RCAN2: variants seen among roughly 807,000 people sequenced by gnomAD.
The protein encoded by RCAN2 is regulator of calcineurin 2, also known as calcipressin-2.
In RCAN2, 9 loss-of-function variants were observed where a neutral mutation model predicts 23.6. The ratio of observed to expected loss-of-function variants is 0.38; its 90% confidence interval spans 0.23 to 0.67. RCAN2 has a LOEUF of 0.67. Ranked by LOEUF, RCAN2 falls within the 30% of genes least tolerant of loss-of-function variation. The pLI is 0.51. For synonymous variants in RCAN2, 109 were observed against 115.7 expected, an observed-to-expected ratio of 0.94 and a Z score of 0.37; for missense variants, 273 against 302.3, an observed-to-expected ratio of 0.90 and a Z score of 0.72.
At chr6:46,391,283 T>C (rs1258756338) in intron 2 of RCAN2, among the ~76,000 whole-genome samples, 4 of 152,200 alleles carry the variant, frequency 2.6e-5, no homozygotes, top group Non-Finnish European at 5.9e-5. Context: ...ACCATCATTC[T>C]CAGCAAACTA....
At chr6:46,440,932 A>G (rs1222799820) in intron 2 of RCAN2, among the ~76,000 whole-genome samples, 11 of 152,216 alleles carry the variant, frequency 7.2e-5, no homozygotes, top group African/African-American at 2.4e-4. Flanking sequence ...ACTCAAGGCT[A>G]TGATATAAAA....
chr6:46,279,681 A>C (rs1358748091), intron 2 of RCAN2, among the ~76,000 whole-genome samples: 1 of 152,198 alleles, frequency 6.6e-6, no homozygotes, highest in African/African-American at 2.4e-5. Context: ...GGCTATAAAC[A>C]TTGGCTTGGT....
intron 2 of RCAN2, among the ~76,000 whole-genome samples, chr6:46,425,992 G>T (rs142545658): frequency 6.7e-6 from 1 of 149,150 alleles, no homozygotes. Context: ...TCTGTCTCCC[G>T]GGTTCAAGCG....
At chr6:46,283,639 A>G (rs550748860) in intron 2 of RCAN2, among the ~76,000 whole-genome samples, 73 of 152,306 alleles carry the variant, frequency 4.8e-4, no homozygotes, top group African/African-American at 1.6e-3. Flanking sequence ...TTTGTCCTCA[A>G]TATTCAGGAC....
Position 46,285,234 on chromosome 6 carries a change from G to A in RCAN2, c.226-36338C>T, listed in dbSNP as rs75738590. ...ACCATTGCACCATTAATGATAACAT[G>A]TGATGCTTAATCAAATGGATGTTTA... is the stretch of plus-strand genomic sequence containing the variant. On this transcript the variant is annotated intron_variant, in intron 2 of 4. Coordinates refer to ENST00000371374, the MANE Select transcript of RCAN2 (RefSeq NM_001251974.2). Among the ~76,000 whole-genome samples, 362 of 152,312 alleles carry A rather than the reference G, an allele frequency of 2.4e-3. 4 individuals are homozygous for A. The highest frequency in any genetic ancestry group is 8.3e-3 in the African/African-American group (346 of 41,574).
chr6:46,275,874 G>A (rs1767679493), intron 2 of RCAN2, among the ~76,000 whole-genome samples: 1 of 152,160 alleles, frequency 6.6e-6, no homozygotes, highest in Non-Finnish European at 1.5e-5. Context: ...TCCACTATGA[G>A]GTCATCACCA....
chr6:46,346,118 A>T (rs746815447), intron 2 of RCAN2, among the ~76,000 whole-genome samples: 1 of 152,170 alleles, frequency 6.6e-6, no homozygotes, highest in African/African-American at 2.4e-5. Context: ...ATAAAAATAT[A>T]TTCCTCTGAA....
At chr6:46,389,998 T>C (rs66757379) in intron 2 of RCAN2, among the ~76,000 whole-genome samples, 75,140 of 148,602 alleles carry the variant, frequency 0.51, 19,436 homozygotes, top group East Asian at 0.61. Flanking sequence ...AAAATGAACA[T>C]ATAGCATTAT....
intron 2 of RCAN2, among the ~76,000 whole-genome samples, chr6:46,332,299 CT>C (rs563786303): frequency 2.0e-5 from 3 of 152,048 alleles, no homozygotes; most frequent in South Asian, 2.1e-4. Flanking sequence ...TTTAAAAATT[CT>C]TTTTTTAATC....
intron 1 of RCAN2, among the ~76,000 whole-genome samples, chr6:46,483,862 T>C (rs567657003): frequency 6.6e-6 from 1 of 152,334 alleles, no homozygotes; most frequent in Admixed American, 6.5e-5. Context: ...ATTCACGAAT[T>C]ATTAGTTTTC....
At chr6:46,446,183 A>C (rs1767700227) in intron 2 of RCAN2, among the ~76,000 whole-genome samples, 1 of 151,862 alleles carries the variant, frequency 6.6e-6, no homozygotes. Flanking sequence ...AAAAAGAAAC[A>C]TATCACACGT....
chr6:46,458,098 T>C (rs997339103), intron 1 of RCAN2, among the ~76,000 whole-genome samples: 1 of 152,232 alleles, frequency 6.6e-6, no homozygotes. Flanking sequence ...CTGAAAATTA[T>C]GACATGGCTA....
At chr6:46,371,201 A>T (rs1057364446) in intron 2 of RCAN2, among the ~76,000 whole-genome samples, 1 of 152,158 alleles carries the variant, frequency 6.6e-6, no homozygotes, top group South Asian at 2.1e-4. Context: ...TTCCCCCCAG[A>T]TTTACCAATC....
At chr6:46,325,849 G>T in intron 2 of RCAN2, 1 of 984,412 alleles carries the variant, frequency 1.0e-6, no homozygotes. Context: ...GCTAGGAACT[G>T]AGTCATAGCT....
chr6:46,427,745 A>T (rs1210720576), intron 2 of RCAN2, among the ~76,000 whole-genome samples: 1 of 152,238 alleles, frequency 6.6e-6, no homozygotes, highest in Non-Finnish European at 1.5e-5. Context: ...GCATTTTCAA[A>T]AGAAACGAGA....
chr6:46,244,716 C>T (rs1766451022), intron 4 of RCAN2, among the ~76,000 whole-genome samples: 1 of 152,184 alleles, frequency 6.6e-6, no homozygotes, highest in Non-Finnish European at 1.5e-5. Flanking sequence ...ATTGTCAAAT[C>T]AGCTCCCTGC....
chr6:46,336,690 T>C (rs79522309), intron 2 of RCAN2, among the ~76,000 whole-genome samples: 5,312 of 152,248 alleles, frequency 0.035, 161 homozygotes, highest in Non-Finnish European at 0.049. Context: ...CAGTAAGGTA[T>C]GTGAATCTAT....
intron 2 of RCAN2, among the ~76,000 whole-genome samples, chr6:46,300,506 C>G (rs1054390968): frequency 1.3e-5 from 2 of 151,920 alleles, no homozygotes; most frequent in African/African-American, 4.8e-5. Context: ...TATTAAAGAA[C>G]CCACAGATCC....
chr6:46,490,702 C>G (rs915441641), intron 1 of RCAN2, among the ~76,000 whole-genome samples: 5 of 152,312 alleles, frequency 3.3e-5, no homozygotes, highest in African/African-American at 1.2e-4. Flanking sequence ...GCACCTACCC[C>G]CTCCCCAGCC....
Sources: allele counts gnomAD v4.1 joint callset (sites outside exome capture counted in the v4.1 genomes callset), GRCh38; gene constraint gnomAD v4.1.1; transcripts MANE v1.5; gene names NCBI Gene and HGNC (gene_info 2026-07-23, HGNC 2026-07-21).